SCAMP1: variants seen among roughly 807,000 people sequenced by gnomAD.
SCAMP1 encodes secretory carrier membrane protein 1, also known as secretory carrier-associated membrane protein 1.
Under a neutral mutation model 41.8 loss-of-function variants are expected in SCAMP1, and 15 were observed. The observed-to-expected ratio is 0.36, with a 90% CI of 0.24 to 0.55. The LOEUF is 0.55. Among genes scored for constraint, SCAMP1 ranks in the 20% least tolerant of loss-of-function variants. The pLI, the probability that SCAMP1 is intolerant of heterozygous loss-of-function variation, is 0.86. For synonymous variants in SCAMP1, 135 were observed against 136.8 expected (o/e 0.99, Z 0.09); for missense variants, 341 against 412.6 (o/e 0.83, Z 1.50).
At position 78,421,887 on chromosome 5, in the gene SCAMP1, A is replaced by G; in HGVS notation, c.559A>G (p.Ser187Gly). Residue 187 changes from serine to glycine, a missense_variant, in exon 6 of 9, where the codon AGT becomes GGT. Coordinates refer to ENST00000621999, the MANE Select transcript of SCAMP1 (RefSeq NM_004866.6). ...TGCAAGAGCGGTTGATTTTGGATTG[A>G]GTATCCTGTGGTTCTTGCTTTTTAC... ...DSARAVDFGL[S>G]ILWFLLFTPC... 2 of 1,613,728 alleles carry G rather than the reference A, an allele frequency of 1.2e-6. No individual in the cohort carries two copies. The highest frequency in any genetic ancestry group is 4.5e-5 in the East Asian group (2 of 44,850).
intron 2 of SCAMP1, among the ~76,000 whole-genome samples, chr5:78,413,963 CTTCTTTTCTTTT>C (rs986765461): frequency 6.6e-6 from 1 of 151,310 alleles, no homozygotes; most frequent in African/African-American, 2.4e-5. Context: ...TCTTTCCTTT[CTTCTTTTCTTTT>C]CTGTTACTGT....
chr5:78,459,150 C>A, intron 7 of SCAMP1, 95 bp from the exon 8 acceptor site: 1 of 692,356 alleles, frequency 1.4e-6, no homozygotes, highest in Non-Finnish European at 2.6e-6. Flanking sequence ...TGAATATTGC[C>A]TGGCTGATAA....
intron 1 of SCAMP1, among the ~76,000 whole-genome samples, chr5:78,384,342 A>G (rs181808953): frequency 3.3e-5 from 5 of 152,194 alleles, no homozygotes; most frequent in Admixed American, 3.3e-4. Flanking sequence ...TACCAGTTCT[A>G]GGAGCTTTTT....
chr5:78,409,567 T>C (rs935680780), intron 2 of SCAMP1, among the ~76,000 whole-genome samples: 1 of 152,136 alleles, frequency 6.6e-6, no homozygotes, highest in Non-Finnish European at 1.5e-5. Flanking sequence ...TTGGCTTGAG[T>C]TGGCTAATCC....
At chr5:78,429,533 A>T (rs772640785) in intron 6 of SCAMP1, among the ~76,000 whole-genome samples, 8 of 151,870 alleles carry the variant, frequency 5.3e-5, no homozygotes, top group Non-Finnish European at 1.0e-4. Context: ...CCATTTGGTC[A>T]TTTTGAGTTC....
chr5:78,429,559 A>G (rs1020120098), intron 6 of SCAMP1, among the ~76,000 whole-genome samples: 2 of 151,938 alleles, frequency 1.3e-5, no homozygotes, highest in East Asian at 1.9e-4. Flanking sequence ...GGGAGTTGCA[A>G]TGAGGGTGCT....
At chr5:78,431,135 T>C (rs1175981455) in intron 6 of SCAMP1, among the ~76,000 whole-genome samples, 4 of 152,012 alleles carry the variant, frequency 2.6e-5, no homozygotes, top group African/African-American at 4.8e-5. Flanking sequence ...GATACAGATA[T>C]AAGAAACCAT....
intron 6 of SCAMP1, among the ~76,000 whole-genome samples, chr5:78,432,883 G>A (rs1194291990): frequency 1.3e-5 from 2 of 151,650 alleles, no homozygotes; most frequent in Non-Finnish European, 2.9e-5. Flanking sequence ...TAGAATTTTT[G>A]ATATTGCCCC....
chr5:78,374,584 A>G (rs1332003952), intron 1 of SCAMP1, among the ~76,000 whole-genome samples: 1 of 152,114 alleles, frequency 6.6e-6, no homozygotes, highest in Non-Finnish European at 1.5e-5. Flanking sequence ...TATATTATTT[A>G]GGTTCATTAC....
Position 78,411,219 on chromosome 5 carries a change from C to T in SCAMP1, c.136-4301C>T, listed in dbSNP as rs924698809. ...GTCATGAAATCTTTGCCCGTGCCTA[C>T]ACCCTGAATGGTATTGCCTAGGTTT... On this transcript the variant is annotated intron_variant, in intron 2 of 8. Transcript: ENST00000621999. Among the ~76,000 whole-genome samples, 15 of 152,236 alleles carry T rather than the reference C, an allele frequency of 9.9e-5. No individual in the cohort carries two copies. The East Asian group carries it at 2.1e-3, about 22-fold the overall frequency.
At chr5:78,474,946 C>T (rs1753970928) in intron 8 of SCAMP1, among the ~76,000 whole-genome samples, 1 of 152,104 alleles carries the variant, frequency 6.6e-6, no homozygotes, top group African/African-American at 2.4e-5. Flanking sequence ...TTTGTGCATT[C>T]TTTAGGACTT....
At chr5:78,438,282 T>C (rs1752816630) in intron 6 of SCAMP1, among the ~76,000 whole-genome samples, 1 of 152,256 alleles carries the variant, frequency 6.6e-6, no homozygotes, top group Non-Finnish European at 1.5e-5. Context: ...CTCTTGCTTC[T>C]CTAGTTCTTT....
chr5:78,365,060 G>T (rs116449032), intron 1 of SCAMP1, among the ~76,000 whole-genome samples: 1 of 152,082 alleles, frequency 6.6e-6, no homozygotes, highest in Non-Finnish European at 1.5e-5. Flanking sequence ...TAGGGTAATA[G>T]TACATTCTCT....
intron 7 of SCAMP1, among the ~76,000 whole-genome samples, chr5:78,454,615 G>A (rs2112218729): frequency 6.6e-6 from 1 of 152,232 alleles, no homozygotes; most frequent in East Asian, 1.9e-4. Flanking sequence ...TTGCGTCAAT[G>A]TTCATCAAGG....
chr5:78,440,253 AG>A (rs1349641242), intron 6 of SCAMP1, among the ~76,000 whole-genome samples: 1 of 152,116 alleles, frequency 6.6e-6, no homozygotes, highest in African/African-American at 2.4e-5. Context: ...CTTGCTGGTG[AG>A]GAGCTGTGTT....
At chr5:78,401,830 C>T (rs935718335) in intron 2 of SCAMP1, among the ~76,000 whole-genome samples, 3 of 151,954 alleles carry the variant, frequency 2.0e-5, no homozygotes, top group Non-Finnish European at 2.9e-5. Flanking sequence ...TTTTTAATTT[C>T]GTTGACTTGT....
intron 6 of SCAMP1, among the ~76,000 whole-genome samples, chr5:78,437,417 C>T (rs535700961): frequency 3.3e-5 from 5 of 152,286 alleles, no homozygotes; most frequent in African/African-American, 4.8e-5. Flanking sequence ...GAGTTTTTAG[C>T]GTGAAGCGCT....
chr5:78,442,489 C>A (rs1235427696), intron 6 of SCAMP1, among the ~76,000 whole-genome samples: 1 of 152,128 alleles, frequency 6.6e-6, no homozygotes, highest in Non-Finnish European at 1.5e-5. Flanking sequence ...GAACTCCTGA[C>A]CTCAGGTGAT....
In SCAMP1 at chr5:78,462,900, A is replaced by G. The variant is rs571401730; in HGVS notation, c.852+3538A>G. ...GGAATAACACCTATGTTTTAAATGA[A>G]AAAGACTTTTTGATAGGTCTCACTT... is the stretch of plus-strand genomic sequence containing the variant. On this transcript the variant is annotated intron_variant, in intron 8 of 8. Transcript: ENST00000621999. Among the ~76,000 whole-genome samples, 3 of 152,348 alleles carry G rather than the reference A, an allele frequency of 2.0e-5. No individual in the cohort carries two copies. In the East Asian group the frequency reaches 5.8e-4, roughly 29 times the overall value.
Sources: allele counts gnomAD v4.1 joint callset (sites outside exome capture counted in the v4.1 genomes callset), GRCh38; gene constraint gnomAD v4.1.1; transcripts MANE v1.5; gene names NCBI Gene and HGNC (gene_info 2026-07-23, HGNC 2026-07-21).